The following NRG3 variants were observed in gnomAD, a reference collection of about 807,000 sequenced individuals.
The protein encoded by NRG3 is pro-neuregulin-3, membrane-bound isoform.
NRG3 carries 31 observed loss-of-function variants against 66.9 expected under a neutral mutation model. The observed-to-expected ratio is 0.46, with a 90% confidence interval of 0.35 to 0.63. NRG3 has a LOEUF of 0.63. NRG3 is among the 20% of genes least tolerant of loss of function. NRG3 has a pLI of 0.00. For synonymous variants in NRG3, 393 were observed against 359.4 expected, an observed-to-expected ratio of 1.09 and a Z score of -1.06; for missense variants, 910 against 878.9, an observed-to-expected ratio of 1.04 and a Z score of -0.45.
intron 2 of NRG3, among the ~76,000 whole-genome samples, chr10:82,536,330 T>G (rs1035039055): frequency 1.3e-5 from 2 of 152,154 alleles, no homozygotes; most frequent in African/African-American, 4.8e-5. Flanking sequence ...AAAACAAGAA[T>G]CAAATCATTT....
chr10:82,961,797 A>G (rs1481565264), intron 6 of NRG3, among the ~76,000 whole-genome samples: 1 of 152,196 alleles, frequency 6.6e-6, no homozygotes, highest in Admixed American at 6.5e-5. Context: ...TCTGAACACC[A>G]AGTTCCATCA....
intron 2 of NRG3, among the ~76,000 whole-genome samples, chr10:82,392,804 T>C (rs1309383084): frequency 6.6e-6 from 1 of 152,098 alleles, no homozygotes; most frequent in African/African-American, 2.4e-5. Context: ...CTGTGCTGAA[T>C]GGACTCCACA....
At chr10:82,490,177 T>C (rs1842980783) in intron 2 of NRG3, among the ~76,000 whole-genome samples, 1 of 152,220 alleles carries the variant, frequency 6.6e-6, no homozygotes, top group Admixed American at 6.5e-5. Context: ...ACTTGCTTCT[T>C]TGCTTCTGTT....
chr10:82,408,396 T>C (rs1245728294), intron 2 of NRG3, among the ~76,000 whole-genome samples: 2 of 152,062 alleles, frequency 1.3e-5, no homozygotes, highest in Non-Finnish European at 1.5e-5. Flanking sequence ...GAGTTCATGA[T>C]TCAATTCAAC....
intron 1 of NRG3, among the ~76,000 whole-genome samples, chr10:82,044,981 G>T (rs1447725067): frequency 3.3e-5 from 5 of 151,624 alleles, no homozygotes; most frequent in Admixed American, 6.6e-5. Flanking sequence ...GGACATTTGG[G>T]TTGGTTCCAA....
chr10:82,193,019 G>C (rs1239934387), intron 1 of NRG3, among the ~76,000 whole-genome samples: 1 of 151,996 alleles, frequency 6.6e-6, no homozygotes, highest in Non-Finnish European at 1.5e-5. Flanking sequence ...TGCTGGAAGA[G>C]GTAGAGAGAG....
chr10:82,800,746 GTC>G (rs2061000468), intron 3 of NRG3, among the ~76,000 whole-genome samples: 1 of 152,314 alleles, frequency 6.6e-6, no homozygotes, highest in South Asian at 2.1e-4. Flanking sequence ...CAAGAGTTCA[GTC>G]TCAAATGCTA....
chr10:82,753,171 T>C (rs1011978887), intron 3 of NRG3, among the ~76,000 whole-genome samples: 1 of 152,214 alleles, frequency 6.6e-6, no homozygotes, highest in Non-Finnish European at 1.5e-5. Flanking sequence ...TATGAAACTA[T>C]ATTTGTCTTT....
intron 2 of NRG3, among the ~76,000 whole-genome samples, chr10:82,506,345 T>C (rs1844676011): frequency 6.6e-6 from 1 of 152,320 alleles, no homozygotes; most frequent in Non-Finnish European, 1.5e-5. Context: ...ACTCCAACTT[T>C]TCCTTTGATT....
chr10:81,946,783 C>A (rs1416282507), intron 1 of NRG3, among the ~76,000 whole-genome samples: 2 of 152,162 alleles, frequency 1.3e-5, no homozygotes, highest in Admixed American at 1.3e-4. Context: ...TCTCATGCTC[C>A]GAACAGACTT....
intron 2 of NRG3, among the ~76,000 whole-genome samples, chr10:82,591,510 A>G (rs975079885): frequency 6.6e-5 from 10 of 152,200 alleles, no homozygotes; most frequent in African/African-American, 2.4e-4. Flanking sequence ...GAGCAATTCT[A>G]ATACTTGTGT....
chr10:82,223,345 C>T (rs2076024866), intron 1 of NRG3, among the ~76,000 whole-genome samples: 1 of 152,032 alleles, frequency 6.6e-6, no homozygotes, highest in Non-Finnish European at 1.5e-5. Flanking sequence ...CTCAAAAAAA[C>T]ATATCACAAG....
intron 1 of NRG3, among the ~76,000 whole-genome samples, chr10:82,243,507 T>A (rs910719081): frequency 6.6e-6 from 1 of 151,940 alleles, no homozygotes; most frequent in Admixed American, 6.6e-5. Flanking sequence ...AAGAAAAAAA[T>A]TTAAGGTCTT....
At chr10:82,938,274 G>A (rs1297137701) in intron 4 of NRG3, among the ~76,000 whole-genome samples, 2 of 152,168 alleles carry the variant, frequency 1.3e-5, no homozygotes, top group Admixed American at 6.5e-5. Flanking sequence ...AGATTTGAAC[G>A]TACACAGATC....
At chr10:82,808,170 C>A (rs1484702202) in intron 3 of NRG3, among the ~76,000 whole-genome samples, 1 of 149,964 alleles carries the variant, frequency 6.7e-6, no homozygotes, top group East Asian at 2.0e-4. Flanking sequence ...TCATAAATGC[C>A]CCTCAAACAT....
chr10:82,504,669 T>C (rs1191944361), intron 2 of NRG3, among the ~76,000 whole-genome samples: 1 of 152,184 alleles, frequency 6.6e-6, no homozygotes, highest in African/African-American at 2.4e-5. Context: ...GAATGTATTA[T>C]AATGTGGAAA....
intron 2 of NRG3, among the ~76,000 whole-genome samples, chr10:82,473,104 CT>C (rs2132071215): frequency 6.6e-6 from 1 of 152,332 alleles, no homozygotes; most frequent in East Asian, 1.9e-4. Context: ...TGTTGACACA[CT>C]TTCTAAAGCA....
intron 2 of NRG3, among the ~76,000 whole-genome samples, chr10:82,566,111 C>T (rs114159318): frequency 2.8e-4 from 42 of 152,090 alleles, no homozygotes; most frequent in East Asian, 7.7e-4. Context: ...TTTCCCAGTA[C>T]GTGGCACTTA....
At chr10:82,513,894 A>G (rs1845423766) in intron 2 of NRG3, among the ~76,000 whole-genome samples, 1 of 152,304 alleles carries the variant, frequency 6.6e-6, no homozygotes, top group African/African-American at 2.4e-5. Context: ...ATGAGATGAG[A>G]TGGCATCTCA....
Sources: gnomAD v4.1 joint callset for allele counts (sites outside exome capture counted in the v4.1 genomes callset) on GRCh38, gnomAD v4.1.1 for gene constraint, MANE v1.5 for transcripts, NCBI Gene and HGNC (gene_info 2026-07-23, HGNC 2026-07-21) for gene names.